SOX5: variants seen among roughly 807,000 people sequenced by gnomAD.
SOX5 encodes the protein transcription factor SOX-5.
A neutral mutation model predicts 92.0 loss-of-function variants in SOX5; 9 were observed. The observed-to-expected ratio is 0.10, with a 90% CI of 0.06 to 0.17. SOX5 has a LOEUF of 0.17. Ranked by LOEUF, SOX5 falls within the 10% of genes least tolerant of loss-of-function variation. SOX5 has a pLI of 1.00. For synonymous variants in SOX5, 344 were observed against 336.3 expected (o/e 1.02, Z -0.25); for missense variants, 642 against 944.5 (o/e 0.68, Z 4.20).
chr12:24,137,729 C>T (rs568040552), intron 4 of SOX5, among the ~76,000 whole-genome samples: 1 of 152,332 alleles, frequency 6.6e-6, no homozygotes, highest in African/African-American at 2.4e-5. Flanking sequence ...TGACAATGAT[C>T]ATACCTAAGT....
chr12:24,007,820 CACATAT>C (rs1569476501), intron 4 of SOX5, among the ~76,000 whole-genome samples: 2 of 31,590 alleles, frequency 6.3e-5, no homozygotes, highest in Non-Finnish European at 1.6e-4. Flanking sequence ...CACACACACA[CACATAT>C]ATATATATAT....
intron 6 of SOX5, among the ~76,000 whole-genome samples, chr12:23,686,054 A>G (rs1030904447): frequency 2.0e-5 from 3 of 152,192 alleles, no homozygotes; most frequent in African/African-American, 7.2e-5. Context: ...ACCATATTGT[A>G]TAAGTCCCTG....
At chr12:24,184,272 G>A (rs11047299) in intron 4 of SOX5, among the ~76,000 whole-genome samples, 1 of 152,026 alleles carries the variant, frequency 6.6e-6, no homozygotes, top group African/African-American at 2.4e-5. Context: ...ACAAAACTAA[G>A]GTTGTAAAAA....
intron 2 of SOX5, among the ~76,000 whole-genome samples, chr12:24,335,972 C>CATATATATATATATATATGT: frequency 1.7e-5 from 1 of 58,612 alleles, no homozygotes; most frequent in Admixed American, 2.2e-4. Context: ...GAAATGCTAT[C>CATATATATATATATATATGT]ATATATATAT....
At chr12:24,057,049 ATCT>A (rs1245794459) in intron 4 of SOX5, among the ~76,000 whole-genome samples, 1 of 151,232 alleles carries the variant, frequency 6.6e-6, no homozygotes, top group African/African-American at 2.4e-5. Flanking sequence ...CATGTTACAA[ATCT>A]TCTATAGTTA....
At chr12:24,072,823 T>C (rs1312067658) in intron 4 of SOX5, among the ~76,000 whole-genome samples, 1 of 152,254 alleles carries the variant, frequency 6.6e-6, no homozygotes, top group East Asian at 1.9e-4. Context: ...CTGTTTTGAA[T>C]GCTTTGACAA....
intron 3 of SOX5, among the ~76,000 whole-genome samples, chr12:23,756,529 C>A (rs1418560813): frequency 1.3e-5 from 2 of 151,896 alleles, no homozygotes; most frequent in Non-Finnish European, 2.9e-5. Flanking sequence ...AAACATTAAA[C>A]TCAGTTTCAA....
At chr12:23,883,006 C>T (rs2097015002) in intron 2 of SOX5, among the ~76,000 whole-genome samples, 1 of 151,962 alleles carries the variant, frequency 6.6e-6, no homozygotes, top group Admixed American at 6.6e-5. Flanking sequence ...ACAGTGAAAC[C>T]CCGTCTCTAC....
chr12:23,686,273 C>T (rs921674923), intron 6 of SOX5, among the ~76,000 whole-genome samples: 3 of 152,190 alleles, frequency 2.0e-5, no homozygotes, highest in Non-Finnish European at 2.9e-5. Flanking sequence ...ATATCCTTGC[C>T]ACTTCCTGGT....
At chr12:24,500,438 C>T (rs1354177006) in intron 1 of SOX5, among the ~76,000 whole-genome samples, 1 of 151,906 alleles carries the variant, frequency 6.6e-6, no homozygotes, top group Non-Finnish European at 1.5e-5. Flanking sequence ...TCTTTTTAAA[C>T]GACATGATGA....
chr12:23,694,392 C>G (rs1593351799), intron 6 of SOX5, among the ~76,000 whole-genome samples: 1 of 152,066 alleles, frequency 6.6e-6, no homozygotes, highest in East Asian at 1.9e-4. Flanking sequence ...TAGAACTTGT[C>G]TATCTTCTGC....
At chr12:23,591,799 T>C (rs890336028) in intron 9 of SOX5, among the ~76,000 whole-genome samples, 4 of 152,184 alleles carry the variant, frequency 2.6e-5, no homozygotes, top group Admixed American at 1.3e-4. Context: ...AAGACATTCC[T>C]GTTGCTGTCA....
At chr12:23,810,191 A>G (rs2095852806) in intron 3 of SOX5, among the ~76,000 whole-genome samples, 1 of 152,144 alleles carries the variant, frequency 6.6e-6, no homozygotes, top group Non-Finnish European at 1.5e-5. Context: ...AAGTTGACTT[A>G]TTGTTCATTG....
intron 1 of SOX5, among the ~76,000 whole-genome samples, chr12:23,924,031 A>G (rs2138951259): frequency 6.6e-6 from 1 of 152,360 alleles, no homozygotes; most frequent in South Asian, 2.1e-4. Context: ...AATGAAAAAC[A>G]TTGAGGGAGA....
intron 1 of SOX5, among the ~76,000 whole-genome samples, chr12:24,507,070 A>G (rs556618750): frequency 3.2e-4 from 49 of 152,084 alleles, no homozygotes; most frequent in South Asian, 1.7e-3. Context: ...GATTACAGGC[A>G]TCAGCCACCG....
chr12:23,736,750 G>C (rs2093613069), intron 5 of SOX5, among the ~76,000 whole-genome samples: 1 of 149,740 alleles, frequency 6.7e-6, no homozygotes, highest in Admixed American at 6.6e-5. Context: ...CAGTGCAATG[G>C]CGCGATCTCA....
At chr12:24,127,961 G>A (rs1949275051) in intron 4 of SOX5, among the ~76,000 whole-genome samples, 2 of 152,170 alleles carry the variant, frequency 1.3e-5, no homozygotes, top group African/African-American at 4.8e-5. Flanking sequence ...ACCTAGCACA[G>A]CCTCCTAGGA....
chr12:24,137,584 G>T (rs890985938), intron 4 of SOX5, among the ~76,000 whole-genome samples: 5 of 152,138 alleles, frequency 3.3e-5, no homozygotes, highest in African/African-American at 9.7e-5. Context: ...GTGAGCAGAA[G>T]TCACGCCACT....
intron 9 of SOX5, among the ~76,000 whole-genome samples, chr12:23,600,298 T>C (rs1395679288): frequency 6.6e-6 from 1 of 151,960 alleles, no homozygotes; most frequent in Admixed American, 6.6e-5. Context: ...AGAGCTAGAA[T>C]AATATCTGCG....
Sources: allele counts gnomAD v4.1 joint callset (sites outside exome capture counted in the v4.1 genomes callset), GRCh38; gene constraint gnomAD v4.1.1; transcripts MANE v1.5; gene names NCBI Gene and HGNC (gene_info 2026-07-23, HGNC 2026-07-21).